Variants in GLG1 observed in about 807,000 individuals in gnomAD.
GLG1 encodes the protein Golgi apparatus protein 1.
A neutral mutation model predicts 160.5 loss-of-function variants in GLG1; 38 were observed. The observed-to-expected ratio is 0.24, with a 90% CI of 0.18 to 0.31. The LOEUF is 0.31. Ranked by LOEUF, GLG1 falls within the 10% of genes least tolerant of loss-of-function variation. The pLI is 1.00. For missense variants in GLG1, 1,373 were observed against 1,505.2 expected (o/e 0.91, Z 1.45); for synonymous variants, 644 against 543.4 (o/e 1.19, Z -2.57).
intron 1 of GLG1, chr16:74,552,115 A>G (rs969378263): frequency 8.0e-6 from 2 of 251,452 alleles, no homozygotes; most frequent in African/African-American, 4.5e-5. Flanking sequence ...CACATCCAAC[A>G]TTTACCAGAG....
At chr16:74,565,887 T>G (rs1311523454) in intron 1 of GLG1, among the ~76,000 whole-genome samples, 1 of 152,234 alleles carries the variant, frequency 6.6e-6, no homozygotes, top group Non-Finnish European at 1.5e-5. Context: ...AAGCAGTGTT[T>G]TCTAACGTTC....
rs557844421 is a variant in GLG1, at chr16:74,470,589, C to T, written c.2230-516G>A. 7.2e-4 allele frequency among the ~76,000 whole-genome samples: 108 copies of T among 150,680 alleles called. 1 individual carries two copies. The highest frequency in any genetic ancestry group is 1.3e-3 in the Non-Finnish European group (85 of 67,816). ...TCAGTCTCCCGAGTAGCTGGGATTA[C>T]AGGCACCCGCCATCACGCCAGGCTA... On this transcript the variant is annotated intron_variant, in intron 15 of 25. Transcript: ENST00000422840.
At chr16:74,461,957 A>G in intron 22 of GLG1, 137 bp downstream of exon 22, 1 of 595,640 alleles carries the variant, frequency 1.7e-6, no homozygotes, top group Non-Finnish European at 3.0e-6. Flanking sequence ...AGGAATGCAG[A>G]CCATGGAGAG....
intron 2 of GLG1, among the ~76,000 whole-genome samples, chr16:74,514,900 TG>T (rs2016931372): frequency 6.6e-6 from 1 of 151,924 alleles, no homozygotes; most frequent in South Asian, 2.1e-4. Flanking sequence ...ACGCATCTCA[TG>T]TGCAAAGACA....
chr16:74,602,334 G>A (rs1212850710), intron 1 of GLG1, among the ~76,000 whole-genome samples: 1 of 152,026 alleles, frequency 6.6e-6, no homozygotes, highest in Non-Finnish European at 1.5e-5. Context: ...AGAATTACTT[G>A]CAAAAGAAAG....
intron 1 of GLG1, among the ~76,000 whole-genome samples, chr16:74,582,817 T>C (rs919392681): frequency 3.3e-5 from 5 of 149,658 alleles, no homozygotes; most frequent in Non-Finnish European, 7.4e-5. Flanking sequence ...TGAGACTCCT[T>C]CTCAAAAAAA....
At chr16:74,566,965 A>G (rs1330186514) in intron 1 of GLG1, among the ~76,000 whole-genome samples, 1 of 152,250 alleles carries the variant, frequency 6.6e-6, no homozygotes, top group Non-Finnish European at 1.5e-5. Context: ...AGTCACGCAA[A>G]GAATATAGAT....
chr16:74,467,325 G>T (rs79604656), intron 18 of GLG1, among the ~76,000 whole-genome samples: 2,302 of 152,260 alleles, frequency 0.015, 46 homozygotes, highest in African/African-American at 0.053. Flanking sequence ...TCTGGATAGG[G>T]TCCTGCTTCT....
intron 2 of GLG1, among the ~76,000 whole-genome samples, chr16:74,530,903 G>A (rs929971543): frequency 1.3e-5 from 2 of 151,942 alleles, no homozygotes; most frequent in African/African-American, 4.8e-5. Context: ...ACTGTTTATT[G>A]GACACCTTTT....
rs184341728 is a variant in GLG1, at chr16:74,579,164, C to T, written c.438+27493G>A. ...CCACTGCACTCCAGCCTGGGAGACA[C>T]AGCAAGACCCTGTCTCTTAAAAATA... On this transcript the variant is annotated intron_variant, in intron 1 of 25. Coordinates refer to ENST00000422840, the MANE Select transcript of GLG1 (RefSeq NM_001145667.2). 3.3e-5 allele frequency among the ~76,000 whole-genome samples: 5 copies of T among 151,592 alleles called. No individual in the cohort carries two copies. The East Asian group carries it at 9.8e-4, about 30-fold the overall frequency.
chr16:74,462,949 C>T (rs1488360513), intron 20 of GLG1: 13 of 419,638 alleles, frequency 3.1e-5, no homozygotes, highest in African/African-American at 2.1e-4. Flanking sequence ...TTTGAGAACA[C>T]TGAAAAAGAA....
intron 17 of GLG1, 95 bp downstream of exon 17, chr16:74,468,851 G>A: frequency 2.6e-6 from 2 of 765,608 alleles, no homozygotes; most frequent in Non-Finnish European, 4.8e-6. Context: ...CATCACAGTA[G>A]TGGATAAAAT....
At chr16:74,513,387 G>A (rs1451139242) in intron 2 of GLG1, among the ~76,000 whole-genome samples, 3 of 152,082 alleles carry the variant, frequency 2.0e-5, no homozygotes, top group Non-Finnish European at 4.4e-5. Flanking sequence ...CCTCCCAGTA[G>A]GGGCCAACAG....
intron 3 of GLG1, among the ~76,000 whole-genome samples, chr16:74,505,457 T>G (rs9926193): frequency 1.3e-5 from 2 of 152,184 alleles, no homozygotes; most frequent in African/African-American, 2.4e-5. Context: ...CGGTGGCTCA[T>G]GTCCGTAATC....
At chr16:74,580,996 G>C (rs986565045) in intron 1 of GLG1, among the ~76,000 whole-genome samples, 1 of 152,122 alleles carries the variant, frequency 6.6e-6, no homozygotes, top group South Asian at 2.1e-4. Context: ...CAGAAAATAA[G>C]TGTTGGTGAG....
chr16:74,497,328 C>G (rs1254923632), intron 4 of GLG1, among the ~76,000 whole-genome samples: 1 of 150,810 alleles, frequency 6.6e-6, no homozygotes, highest in African/African-American at 2.4e-5. Context: ...AAAACCACAT[C>G]GGCTCAAAGT....
In GLG1 at chr16:74,462,468, G is replaced by C; in HGVS notation, c.2934+20C>G. ...GAGGCTCCATAAATACACCTTTGTGGAGAGCCCAGGCCAGTTTACCTGGTC... is the reference window on the plus strand; with the variant it reads ...GAGGCTCCATAAATACACCTTTGTGCAGAGCCCAGGCCAGTTTACCTGGTC... On this transcript the variant is annotated intron_variant, in intron 21 of 25. Transcript: ENST00000422840. The C allele has an allele frequency of 1.9e-6, 3 of 1,606,562 alleles. No individual in the cohort carries two copies. Among genetic ancestry groups the C allele is most frequent in the Non-Finnish European group, 2.6e-6 (3 of 1,173,552 alleles).
chr16:74,522,250 T>G (rs1175407081), intron 2 of GLG1, among the ~76,000 whole-genome samples: 1 of 152,260 alleles, frequency 6.6e-6, no homozygotes, highest in Admixed American at 6.5e-5. Context: ...TTAGCCCTTT[T>G]GGGCAGATTT....
At chr16:74,533,694 T>C (rs1213593105) in intron 1 of GLG1, among the ~76,000 whole-genome samples, 3 of 152,250 alleles carry the variant, frequency 2.0e-5, no homozygotes, top group African/African-American at 4.8e-5. Context: ...AGTGGAAGAA[T>C]TGCTTGAACC....
Sources: allele counts gnomAD v4.1 joint callset (sites outside exome capture counted in the v4.1 genomes callset), GRCh38; gene constraint gnomAD v4.1.1; transcripts MANE v1.5; gene names NCBI Gene and HGNC (gene_info 2026-07-23, HGNC 2026-07-21).